Variants in ADGRV1 observed in about 807,000 individuals in gnomAD.
ADGRV1 encodes the protein G-protein coupled receptor 98.
In ADGRV1, 359 loss-of-function variants were observed where a neutral mutation model predicts 596.2. The ratio of observed to expected loss-of-function variants is 0.60; its 90% CI spans 0.55 to 0.66. The LOEUF is 0.66. ADGRV1 is among the 30% of genes least tolerant of loss of function. The probability of loss-of-function intolerance (pLI) is 0.00; values close to 1 mark genes in which losing one functional copy is unlikely to be tolerated. For synonymous variants in ADGRV1, 2,681 were observed against 2,679.2 expected, an observed-to-expected ratio of 1.00 and a Z score of -0.02; for missense variants, 7,274 against 7,575.6, an observed-to-expected ratio of 0.96 and a Z score of 1.48.
chr5:91,046,037 C>T (rs1425872213), intron 85 of ADGRV1, among the ~76,000 whole-genome samples: 4 of 152,030 alleles, frequency 2.6e-5, no homozygotes, highest in Non-Finnish European at 4.4e-5. Flanking sequence ...CAAATGGAAA[C>T]GCATCCCATG....
chr5:90,684,083 T>C lies in ADGRV1; in HGVS notation c.6162T>C (p.Ser2054=). The C allele has an allele frequency of 6.2e-7, 1 of 1,613,896 alleles. No individual in the cohort carries two copies. Among genetic ancestry groups the C allele is most frequent in the Non-Finnish European group, 8.5e-7 (1 of 1,179,848 alleles). The part of the protein sequence containing the change: ...SGFALFGANQ[S]EATIAISILD... ...TTGCTCTTTTTGGAGCTAATCAGAG[T>C]GAGGCAACAATAGCTATTTCAATTT... The change falls in exon 28 of 90, where the codon AGT becomes AGC. Residue 2054 remains serine, a synonymous_variant. Transcript: ENST00000405460.
intron 87 of ADGRV1, among the ~76,000 whole-genome samples, chr5:91,124,447 A>G (rs1793579664): frequency 6.6e-6 from 1 of 152,214 alleles, no homozygotes; most frequent in African/African-American, 2.4e-5. Context: ...AATTGTGGCC[A>G]TCTGATATTG....
At chr5:90,621,621 T>C (rs1209359989) in intron 4 of ADGRV1, among the ~76,000 whole-genome samples, 1 of 152,216 alleles carries the variant, frequency 6.6e-6, no homozygotes, top group African/African-American at 2.4e-5. Flanking sequence ...TTTGTTGTTG[T>C]TGACATTATA....
intron 85 of ADGRV1, among the ~76,000 whole-genome samples, chr5:91,050,333 T>C (rs193177307): frequency 6.6e-6 from 1 of 152,342 alleles, no homozygotes; most frequent in East Asian, 1.9e-4. Context: ...AATCTCAGTT[T>C]GGCTTCTAAA....
chr5:90,615,592 A>G (rs559531521), intron 2 of ADGRV1, among the ~76,000 whole-genome samples: 13 of 152,026 alleles, frequency 8.6e-5, no homozygotes, highest in Admixed American at 6.6e-5. Flanking sequence ...CACTAAGAGT[A>G]TTGCTATATT....
At chr5:90,652,740 T>G (rs1257227246) in intron 19 of ADGRV1, among the ~76,000 whole-genome samples, 177 bp downstream of exon 19, 2 of 152,184 alleles carry the variant, frequency 1.3e-5, no homozygotes, top group African/African-American at 2.4e-5. Context: ...ATTCTTAACA[T>G]TCACTTTTTT....
At chr5:90,706,950 A>G (rs1486013366) in intron 38 of ADGRV1, among the ~76,000 whole-genome samples, 1 of 151,984 alleles carries the variant, frequency 6.6e-6, no homozygotes, top group African/African-American at 2.4e-5. Flanking sequence ...GTATTTTATT[A>G]CAGACATGTC....
chr5:90,694,529 A>G lies in ADGRV1; in HGVS notation c.7773A>G (p.Glu2591=). The G allele has an allele frequency of 6.2e-7, 1 of 1,613,954 alleles. No individual in the cohort carries two copies. Among genetic ancestry groups the G allele is most frequent in the Non-Finnish European group, 8.5e-7 (1 of 1,179,828 alleles). The change falls in exon 33 of 90, where the codon GAA becomes GAG. Residue 2591 remains glutamate (E), a synonymous_variant. Coordinates refer to ENST00000405460, the MANE Select transcript of ADGRV1 (RefSeq NM_032119.4). The part of the protein sequence containing the change: ...VIYNISPNTS[E]DGLFVEVQEQ... ...ACAATATTAGTCCCAATACTTCCGA[A>G]GATGGCTTATTTGTTGAAGTTCAGG...
At chr5:91,124,646 A>T (rs890976679) in intron 87 of ADGRV1, among the ~76,000 whole-genome samples, 1 of 152,228 alleles carries the variant, frequency 6.6e-6, no homozygotes, top group African/African-American at 2.4e-5. Context: ...GAAGGATAGA[A>T]AAAAATGACA....
At chr5:90,572,567 A>G (rs1756671716) in intron 1 of ADGRV1, among the ~76,000 whole-genome samples, 1 of 152,182 alleles carries the variant, frequency 6.6e-6, no homozygotes, top group East Asian at 1.9e-4. Context: ...GCCAACAAAA[A>G]CAAGCAATGG....
intron 44 of ADGRV1, among the ~76,000 whole-genome samples, chr5:90,720,424 A>C (rs540467587): frequency 6.6e-6 from 1 of 152,224 alleles, no homozygotes; most frequent in Non-Finnish European, 1.5e-5. Context: ...CCCTGTTATT[A>C]GAATGGTGTT....
At chr5:90,702,487 T>A (rs1269851813) in intron 34 of ADGRV1, among the ~76,000 whole-genome samples, 1 of 151,768 alleles carries the variant, frequency 6.6e-6, no homozygotes. Flanking sequence ...GTATGAAAAA[T>A]TATTTTGTTT....
chr5:91,101,990 A>G (rs1366560496), intron 86 of ADGRV1, among the ~76,000 whole-genome samples: 1 of 152,164 alleles, frequency 6.6e-6, no homozygotes, highest in Non-Finnish European at 1.5e-5. Flanking sequence ...GGAGAGGAAC[A>G]GTTCTCATCC....
At chr5:90,706,111 A>T in intron 37 of ADGRV1, 120 bp from the exon 38 acceptor site, 1 of 723,906 alleles carries the variant, frequency 1.4e-6, no homozygotes, top group Non-Finnish European at 2.2e-6. Context: ...AGGGGTGAGG[A>T]ATTGGGACCA....
chr5:91,064,352 C>T (rs919580739), intron 85 of ADGRV1, among the ~76,000 whole-genome samples: 8 of 152,138 alleles, frequency 5.3e-5, no homozygotes, highest in Non-Finnish European at 7.4e-5. Context: ...AGCAATTTGA[C>T]GTTTTATAAT....
chr5:90,948,628 A>G lies in ADGRV1; in HGVS notation c.17857-16787A>G, dbSNP rs576378090. On this transcript the variant is annotated intron_variant, in intron 83 of 89. Transcript: ENST00000405460. ...AATGGGGTTACATCCCAATAAACCTATAAGTTTAAAATGCATTAAATATAC... is the reference window on the plus strand; with the variant it reads ...AATGGGGTTACATCCCAATAAACCTGTAAGTTTAAAATGCATTAAATATAC... Among the ~76,000 whole-genome samples the G allele has an allele frequency of 2.4e-3, 366 of 152,254 alleles. 2 individuals carry two copies. The highest frequency in any genetic ancestry group is 0.018 in the South Asian group (88 of 4,824).
At chr5:90,847,073 C>A (rs981839587) in intron 78 of ADGRV1, among the ~76,000 whole-genome samples, 30 of 151,994 alleles carry the variant, frequency 2.0e-4, no homozygotes, top group African/African-American at 6.0e-4. Context: ...CATGCCTTCA[C>A]AATCCCTTAG....
At chr5:90,709,445 G>GT (rs1347448746) in intron 39 of ADGRV1, among the ~76,000 whole-genome samples, 5 of 152,164 alleles carry the variant, frequency 3.3e-5, no homozygotes, top group African/African-American at 1.2e-4. Context: ...GTATTCCTAT[G>GT]TTTAAACACA....
intron 83 of ADGRV1, among the ~76,000 whole-genome samples, chr5:90,873,878 C>T (rs1299216719): frequency 6.6e-6 from 1 of 151,842 alleles, no homozygotes; most frequent in African/African-American, 2.4e-5. Context: ...GGGTTTATCC[C>T]ATTTGTGATC....
Sources: gnomAD v4.1 joint callset for allele counts (sites outside exome capture counted in the v4.1 genomes callset) on GRCh38, gnomAD v4.1.1 for gene constraint, MANE v1.5 for transcripts, NCBI Gene and HGNC (gene_info 2026-07-23, HGNC 2026-07-21) for gene names.